The following TTC13 variants were observed in gnomAD, a reference collection of about 807,000 sequenced individuals.
The protein encoded by TTC13 is tetratricopeptide repeat protein 13.
TTC13 carries 62 observed loss-of-function variants against 120.0 expected under a neutral mutation model. The ratio of observed to expected loss-of-function variants is 0.52; its 90% CI spans 0.42 to 0.64. The LOEUF (loss-of-function observed/expected upper bound fraction) is 0.64. TTC13 is among the 30% of genes least tolerant of loss of function. The probability of loss-of-function intolerance (pLI) is 0.00; values close to 1 mark genes in which losing one functional copy is unlikely to be tolerated. For missense variants in TTC13, 824 were observed against 1,050.2 expected (o/e 0.78, Z 2.98); for synonymous variants, 384 against 393.5 (o/e 0.98, Z 0.28).
intron 6 of TTC13, among the ~76,000 whole-genome samples, chr1:230,943,206 T>A (rs1013628727): frequency 1.3e-5 from 2 of 152,172 alleles, no homozygotes; most frequent in Non-Finnish European, 2.9e-5. Flanking sequence ...TCAATGAATA[T>A]TATGTGTTTT....
In TTC13 at chr1:230,929,061, T is replaced by A; in HGVS notation, c.1333A>T (p.Thr445Ser). Reference protein sequence around the residue: ...YSRYLHAHLDTPLTEYNIDVD... With the variant: ...YSRYLHAHLDSPLTEYNIDVD... ...TCAATGTTATATTCCGTAAGGGGGG[T>A]ATCAAGGTGTGCATGAAGATATCGA... Residue 445 changes from threonine to serine, a missense_variant, in exon 12 of 23, where the codon ACC (threonine) becomes TCC (serine). Thr to Ser is a moderately conservative substitution (Grantham distance 58). Coordinates refer to ENST00000366661, the MANE Select transcript of TTC13 (RefSeq NM_024525.5). 2 of 1,613,896 alleles carry A rather than the reference T, an allele frequency of 1.2e-6. No individual in the cohort carries two copies. The highest frequency in any genetic ancestry group is 1.7e-6 in the Non-Finnish European group (2 of 1,179,970).
chr1:230,949,224 A>AG (rs5781613), intron 4 of TTC13, among the ~76,000 whole-genome samples: 123,806 of 149,972 alleles, frequency 0.83, 51,343 homozygotes, highest in African/African-American at 0.86. Flanking sequence ...TTCTTCCCAA[A>AG]GGGAAGCAAG....
At chr1:230,911,826 A>T (rs1009466549) in intron 19 of TTC13, among the ~76,000 whole-genome samples, 3 of 152,208 alleles carry the variant, frequency 2.0e-5, no homozygotes, top group Non-Finnish European at 4.4e-5. Context: ...GTTATTTGAA[A>T]TGTCAAAATA....
chr1:230,917,908 A>C (rs1454752672), intron 17 of TTC13, among the ~76,000 whole-genome samples: 2 of 152,208 alleles, frequency 1.3e-5, no homozygotes, highest in Admixed American at 1.3e-4. Flanking sequence ...TTTCCTTTCT[A>C]TATGGTACAT....
At position 230,948,489 on chromosome 1, in the gene TTC13, C is replaced by CT. The variant is rs1300561779; in HGVS notation, c.514-3036dup. Among the ~76,000 whole-genome samples the CT allele has an allele frequency of 2.0e-3, 279 of 142,876 alleles. 1 individual carries two copies. Among genetic ancestry groups the CT allele is most frequent in the African/African-American group, 4.1e-3 (161 of 39,432 alleles). 93.7% of individuals were successfully genotyped at this position (142,876 alleles called of 152,430 possible). ...TACTGTTCAGCCTCATCTCCTTCCT[C>CT]TTTTTTTTTTTTCTTTTCATAAAGA... On this transcript the variant is annotated intron_variant, in intron 4 of 22. Coordinates refer to ENST00000366661, the MANE Select transcript of TTC13 (RefSeq NM_024525.5).
intron 1 of TTC13, among the ~76,000 whole-genome samples, chr1:230,968,025 A>G (rs1677298954): frequency 6.6e-6 from 1 of 152,218 alleles, no homozygotes; most frequent in East Asian, 1.9e-4. Flanking sequence ...ATTTCTGCAC[A>G]GTTGCCTCTT....
At position 230,974,392 on chromosome 1, in the gene TTC13, T is replaced by G. The variant is rs146566755; in HGVS notation, c.271+4168A>C. ...ATGATTCGGCCAATGATGGACCACGTATGTGTGAGAATGGTCCCATCAGAC... is the reference window on the plus strand; with the variant it reads ...ATGATTCGGCCAATGATGGACCACGGATGTGTGAGAATGGTCCCATCAGAC... On this transcript the variant is annotated intron_variant, in intron 1 of 22. Coordinates refer to ENST00000366661, the MANE Select transcript of TTC13 (RefSeq NM_024525.5). Among the ~76,000 whole-genome samples the G allele has an allele frequency of 2.8e-3, 428 of 152,326 alleles. 4 individuals are homozygous for G. The highest frequency in any genetic ancestry group is 0.014 in the Middle Eastern group (4 of 294).
rs561225239 is a variant in TTC13 at position 230,970,519 on chromosome 1, C to G, written c.271+8041G>C. Among the ~76,000 whole-genome samples the G allele has an allele frequency of 3.9e-5, 6 of 152,290 alleles. No homozygotes were observed. In the South Asian group the frequency reaches 1.2e-3, roughly 32 times the overall value. ...GAGCTGAACTAGGCAGAGGCACCGG[C>G]CACTCATCCACCACAACAGGACAGA... On this transcript the variant is annotated intron_variant, in intron 1 of 22. Coordinates refer to ENST00000366661, the MANE Select transcript of TTC13 (RefSeq NM_024525.5).
At chr1:230,970,460 G>A (rs145830835) in intron 1 of TTC13, among the ~76,000 whole-genome samples, 9 of 152,240 alleles carry the variant, frequency 5.9e-5, no homozygotes, top group East Asian at 1.9e-4. Flanking sequence ...GTATGCTGAC[G>A]GAAGACAAGA....
chr1:230,958,095 A>G lies in TTC13; in HGVS notation c.442+129T>C, dbSNP rs182092004. The stretch of plus-strand genomic sequence containing the variant: ...GAATGTCACAAGGGCTGAATGCTCC[A>G]TGCAAGATCAAACAGCTCAAATTGG... On this transcript the variant is annotated intron_variant, in intron 3 of 22. Coordinates refer to ENST00000366661, the MANE Select transcript of TTC13 (RefSeq NM_024525.5). The G allele has an allele frequency of 5.7e-5, 45 of 790,032 alleles. No homozygotes were observed. In the African/African-American group the frequency reaches 6.7e-4, roughly 12 times the overall value. The allele number at this position is 790,032 out of a possible 1,614,324, so 48.9% of individuals were successfully genotyped here. A position where few individuals can be genotyped will look rare whatever the true frequency, so the allele number is the denominator to read the frequency against.
At chr1:230,929,384 G>A (rs1673338637) in intron 11 of TTC13, among the ~76,000 whole-genome samples, 1 of 146,350 alleles carries the variant, frequency 6.8e-6, no homozygotes, top group Non-Finnish European at 1.5e-5. Flanking sequence ...GTGCAATCTT[G>A]GCTCACTGCA....
intron 20 of TTC13, among the ~76,000 whole-genome samples, chr1:230,911,000 T>TA (rs1423701069): frequency 1.3e-5 from 2 of 152,118 alleles, no homozygotes; most frequent in African/African-American, 2.4e-5. Context: ...TAATGATACC[T>TA]AAAAAACTCC....
At chr1:230,933,285 T>C (rs1350497094) in intron 9 of TTC13, among the ~76,000 whole-genome samples, 5 of 152,094 alleles carry the variant, frequency 3.3e-5, no homozygotes, top group African/African-American at 1.2e-4. Context: ...CTTTTTTTTT[T>C]TTTAAGCCAA....
Position 230,925,665 on chromosome 1 carries a change from T to C in TTC13, c.1458-18A>G, listed in dbSNP as rs1558179903. 3 of 1,613,362 alleles carry C rather than the reference T, an allele frequency of 1.9e-6. No homozygotes were observed. Among genetic ancestry groups the C allele is most frequent in the Admixed American group, 1.7e-5 (1 of 60,012 alleles). ...ACACATCTCTGGAAGAAACATCATG[T>C]ACATGATAAGGACTTTTACAACAGA... is the stretch of plus-strand genomic sequence containing the variant. On this transcript the variant is annotated intron_variant, in intron 12 of 22. Coordinates refer to ENST00000366661, the MANE Select transcript of TTC13 (RefSeq NM_024525.5).
At chr1:230,953,109 T>C (rs1418376007) in intron 4 of TTC13, among the ~76,000 whole-genome samples, 1 of 152,224 alleles carries the variant, frequency 6.6e-6, no homozygotes, top group African/African-American at 2.4e-5. Context: ...TTACCTTTTA[T>C]AACATTGCCA....
chr1:230,946,311 A>T (rs1439846861), intron 4 of TTC13, among the ~76,000 whole-genome samples: 1 of 152,260 alleles, frequency 6.6e-6, no homozygotes, highest in East Asian at 1.9e-4. Context: ...TTCTCCAGAA[A>T]GAAACTCTGC....
intron 1 of TTC13, among the ~76,000 whole-genome samples, chr1:230,967,261 T>G (rs1362047601): frequency 6.6e-6 from 1 of 152,124 alleles, no homozygotes; most frequent in Non-Finnish European, 1.5e-5. Flanking sequence ...AATACTTCAT[T>G]TAATAACTGA....
intron 8 of TTC13, among the ~76,000 whole-genome samples, chr1:230,935,960 G>A (rs1418926941): frequency 6.6e-6 from 1 of 152,086 alleles, no homozygotes; most frequent in East Asian, 1.9e-4. Flanking sequence ...GAGAAGAAAG[G>A]GTAGGAAGCT....
rs1037004177 is a variant in TTC13, at chr1:230,924,970, A to G, written c.1592T>C (p.Met531Thr). The G allele has an allele frequency of 6.2e-7, 1 of 1,614,198 alleles. No individual in the cohort carries two copies. The highest frequency in any genetic ancestry group is 1.1e-5 in the South Asian group (1 of 91,084). Residue 531 changes from methionine to threonine, a missense_variant, in exon 14 of 23, where the codon ATG becomes ACG. Met to Thr is a moderately conservative substitution (Grantham distance 81). Around this residue, in one of 4 missense-constraint regions of TTC13, gnomAD observed 430 missense variants for 626.8 expected, o/e 0.69. Transcript: ENST00000366661. Reference protein sequence around the residue: ...FLPNKRIHRAMGLAALEVMQA... With the variant: ...FLPNKRIHRATGLAALEVMQA... The stretch of plus-strand genomic sequence containing the variant: ...CATGACCTCCAATGCGGCCAAACCC[A>G]TAGCTACGAGAAAGGAATATCGAGA...
Sources: allele counts gnomAD v4.1 joint callset (sites outside exome capture counted in the v4.1 genomes callset), GRCh38; gene constraint gnomAD v4.1.1; regional missense constraint gnomAD v4.1.1; transcripts MANE v1.5; gene names NCBI Gene and HGNC (gene_info 2026-07-23, HGNC 2026-07-21).